Variants in PKM observed in about 807,000 individuals in gnomAD.
PKM encodes pyruvate kinase M1/2, also known as pyruvate kinase PKM.
A neutral mutation model predicts 49.8 loss-of-function variants in PKM; 18 were observed. The observed-to-expected ratio is 0.36, with a 90% CI of 0.25 to 0.54. PKM has a LOEUF of 0.54. Among genes scored for constraint, PKM ranks in the 20% least tolerant of loss-of-function variants. PKM has a pLI of 0.89. For missense variants in PKM, 508 were observed against 713.8 expected, an observed-to-expected ratio of 0.71 and a Z score of 3.28; for synonymous variants, 239 against 261.8, an observed-to-expected ratio of 0.91 and a Z score of 0.84.
Position 72,202,353 on chromosome 15 carries a change from G to A in PKM, c.1307+101C>T. The A allele has an allele frequency of 1.6e-6, 2 of 1,250,552 alleles. No homozygotes were observed. Among genetic ancestry groups the A allele is most frequent in the Non-Finnish European group, 2.3e-6 (2 of 878,206 alleles). 77.5% of individuals were successfully genotyped at this position (1,250,552 alleles called of 1,614,324 possible). On this transcript the variant is annotated intron_variant, in intron 9 of 10. Coordinates refer to ENST00000335181, the MANE Select transcript of PKM (RefSeq NM_002654.6). This position sits in a 1 kb window ranked among gnomAD's most constrained non-coding sequence, Gnocchi z 4.5. ...TGGCAGGCAGAGGGGTCTTACCTTG[G>A]CTCAGTGCCACCTGAGCATTGTTCA...
Position 72,199,338 on chromosome 15 carries a change from G to A in PKM, c.*312C>T. ...GGCATCCATTTTTTCTAAAGGAACTGGACAGAGTACACACAGGAAAGGAAG... is the reference window on the plus strand; with the variant it reads ...GGCATCCATTTTTTCTAAAGGAACTAGACAGAGTACACACAGGAAAGGAAG... On this transcript the variant is annotated 3_prime_UTR_variant, in exon 11 of 11. Coordinates refer to ENST00000335181, the MANE Select transcript of PKM (RefSeq NM_002654.6). 1.8e-6 allele frequency: 1 copy of A among 544,912 alleles called. No individual in the cohort carries two copies. The highest frequency in any genetic ancestry group is 3.5e-6 in the Non-Finnish European group (1 of 289,468). The allele number at this position is 544,912 out of a possible 1,614,324, so 33.8% of individuals were successfully genotyped here. A position where few individuals can be genotyped will look rare whatever the true frequency, so the allele number is the denominator to read the frequency against.
Position 72,202,077 on chromosome 15 carries a change from T to C in PKM, c.1307+377A>G, listed in dbSNP as rs2081958581. On this transcript the variant is annotated intron_variant, in intron 9 of 10. Coordinates refer to ENST00000335181, the MANE Select transcript of PKM (RefSeq NM_002654.6). The surrounding 1 kb of genome is among the most constrained non-coding windows in gnomAD (Gnocchi z 4.5). ...GTAAACAGCATTTAAATAAATTCAT[T>C]TCCCAACTGAAATTTTTAAAGAGCA... 1 of 286,626 alleles carries C rather than the reference T, an allele frequency of 3.5e-6. No individual in the cohort carries two copies. The highest frequency in any genetic ancestry group is 6.8e-6 in the Non-Finnish European group (1 of 146,780). The allele number at this position is 286,626 out of a possible 1,614,324, so 17.8% of individuals were successfully genotyped here.
At chr15:72,218,780 C>T (rs2082441208) in intron 2 of PKM, among the ~76,000 whole-genome samples, 164 bp downstream of exon 2, 1 of 152,172 alleles carries the variant, frequency 6.6e-6, no homozygotes, top group Admixed American at 6.5e-5. Context: ...TATGCACATA[C>T]TAATTCTTTA....
At position 72,211,069 on chromosome 15, in the gene PKM, GT is replaced by G. The variant is rs35471277; in HGVS notation, c.247-592del. ...CAGACCTGATTTTCTCAATCGCTTT[GT>G]TTTTTTTTTTTTTGAGACAGAGTCT... On this transcript the variant is annotated intron_variant, in intron 3 of 10. Coordinates refer to ENST00000335181, the MANE Select transcript of PKM (RefSeq NM_002654.6). 2.8e-3 allele frequency among the ~76,000 whole-genome samples: 394 copies of G among 142,482 alleles called. 1 individual carries two copies. Among genetic ancestry groups the G allele is most frequent in the African/African-American group, 5.9e-3 (232 of 39,192 alleles). 93.5% of individuals were successfully genotyped at this position (142,482 alleles called of 152,430 possible).
At position 72,199,223 on chromosome 15, in the gene PKM, C is replaced by T. The variant is rs926976636; in HGVS notation, c.*427G>A. The T allele has an allele frequency of 2.8e-6, 1 of 361,400 alleles. No individual in the cohort carries two copies. Among genetic ancestry groups the T allele is most frequent in the African/African-American group, 2.1e-5 (1 of 47,026 alleles). The allele number at this position is 361,400 out of a possible 1,614,324, so 22.4% of individuals were successfully genotyped here. A position where few individuals can be genotyped will look rare whatever the true frequency, so the allele number is the denominator to read the frequency against. ...AGCAAGTAAGGGCCAGGGCCAGAGTCGGCTTCAATGGAACAACAGCCCAGT... is the reference window on the plus strand; with the variant it reads ...AGCAAGTAAGGGCCAGGGCCAGAGTTGGCTTCAATGGAACAACAGCCCAGT... On this transcript the variant is annotated 3_prime_UTR_variant, in exon 11 of 11. Transcript: ENST00000335181.
At chr15:72,218,508 A>G (rs150842790) in intron 2 of PKM, among the ~76,000 whole-genome samples, 10 of 151,934 alleles carry the variant, frequency 6.6e-5, no homozygotes, top group East Asian at 3.9e-4. Flanking sequence ...TGCAACTTCA[A>G]TCTCCTGGAC....
At chr15:72,227,095 GC>G (rs1053881486) in intron 1 of PKM, among the ~76,000 whole-genome samples, 1 of 152,216 alleles carries the variant, frequency 6.6e-6, no homozygotes, top group Non-Finnish European at 1.5e-5. Context: ...TATCCAGTCT[GC>G]CCCTTGGTAA....
intron 1 of PKM, among the ~76,000 whole-genome samples, chr15:72,223,011 C>CTTTTTTTTTTTCT (rs2082565466): frequency 2.1e-5 from 3 of 143,888 alleles, no homozygotes; most frequent in Admixed American, 7.0e-5. Context: ...CTCCCTCCAA[C>CTTTTTTTTTTTCT]TTTTTTTTTT....
chr15:72,231,098 G>C lies in PKM; in HGVS notation c.-14+18C>G, dbSNP rs903490695. Reference sequence around the variant, plus strand: ...GCCCTTGGTGGGGACTGATGGCGTAGCCTCCTGCACCGCTCACCTCCGGCG... The same window carrying C: ...GCCCTTGGTGGGGACTGATGGCGTACCCTCCTGCACCGCTCACCTCCGGCG... On this transcript the variant is annotated intron_variant, in intron 1 of 10. Transcript: ENST00000335181. The C allele has an allele frequency of 6.7e-5, 31 of 465,998 alleles. No homozygotes were observed. Among genetic ancestry groups the C allele is most frequent in the Non-Finnish European group, 1.0e-4 (26 of 257,294 alleles). The allele number at this position is 465,998 out of a possible 1,614,324, so 28.9% of individuals were successfully genotyped here.
chr15:72,229,756 C>CT, intron 1 of PKM: 2 of 1,115,574 alleles, frequency 1.8e-6, no homozygotes, highest in Non-Finnish European at 2.3e-6. Context: ...ATCCTGGTCT[C>CT]TAACTCTGAC....
chr15:72,227,674 AG>A (rs2082710345), intron 1 of PKM, among the ~76,000 whole-genome samples: 1 of 130,058 alleles, frequency 7.7e-6, no homozygotes, highest in Non-Finnish European at 1.6e-5. Flanking sequence ...TGAACCCAGG[AG>A]GTGGAGGTTG....
rs1024203008 is a variant in PKM, at chr15:72,200,211, G to C, written c.1489+263C>G. ...ATGGACAATTTTGCTTTGAGCCCCA[G>C]ACTAGAAGAGAAGAGGAACTGAATT... On this transcript the variant is annotated intron_variant, in intron 10 of 10. Coordinates refer to ENST00000335181, the MANE Select transcript of PKM (RefSeq NM_002654.6). This position sits in a 1 kb window ranked among gnomAD's most constrained non-coding sequence, Gnocchi z 4.6. 6.6e-6 allele frequency among the ~76,000 whole-genome samples: 1 copy of C among 152,092 alleles called. No individual in the cohort carries two copies. The highest frequency in any genetic ancestry group is 1.9e-4 in the East Asian group (1 of 5,196).
chr15:72,217,306 CAG>C lies in PKM; in HGVS notation c.246+101_246+102del, dbSNP rs1491289642. 2.5e-4 allele frequency: 191 copies of C among 766,252 alleles called. 1 individual carries two copies. Among genetic ancestry groups the C allele is most frequent in the Middle Eastern group, 1.8e-3 (8 of 4,384 alleles). The allele number at this position is 766,252 out of a possible 1,614,324, so 47.5% of individuals were successfully genotyped here. A position where few individuals can be genotyped will look rare whatever the true frequency, so the allele number is the denominator to read the frequency against. ...CAAACTTCACACTGACTGTGAAACT[CAG>C]ACTCATCCTTGTCTAGTCCACTGTG... On this transcript the variant is annotated intron_variant, in intron 3 of 10. Transcript: ENST00000335181.
intron 1 of PKM, chr15:72,219,428 C>T (rs2082465373): frequency 4.3e-6 from 1 of 232,792 alleles, no homozygotes. Context: ...GCTTTCTCAC[C>T]ACCCTATCTA....
chr15:72,230,844 G>T lies in PKM; in HGVS notation c.-14+272C>A, dbSNP rs1166259181. The T allele has an allele frequency of 5.2e-6, 5 of 964,504 alleles. No homozygotes were observed. The Admixed American group carries it at 9.7e-5, about 19-fold the overall frequency. The allele number at this position is 964,504 out of a possible 1,614,324, so 59.7% of individuals were successfully genotyped here. A position where few individuals can be genotyped will look rare whatever the true frequency, so the allele number is the denominator to read the frequency against. ...TTGAGGATTGGGGCAGGAGGAAGAG[G>T]ATGGGACCAGAATGAGGGGGTAGGG... On this transcript the variant is annotated intron_variant, in intron 1 of 10. Coordinates refer to ENST00000335181, the MANE Select transcript of PKM (RefSeq NM_002654.6).
rs1218446337 is a variant in PKM at position 72,231,133 on chromosome 15, T to C, written c.-31A>G. On this transcript the variant is annotated 5_prime_UTR_variant, in exon 1 of 11. Coordinates refer to ENST00000335181, the MANE Select transcript of PKM (RefSeq NM_002654.6). ...CCGCTCACCTCCGGCGCTGACCGAC[T>C]CGGGCTACGCTGCAAAGACGAAGAG... is the stretch of plus-strand genomic sequence containing the variant. The C allele has an allele frequency of 3.0e-6, 1 of 335,586 alleles. No homozygotes were observed. The highest frequency in any genetic ancestry group is 8.1e-5 in the East Asian group (1 of 12,302). The allele number at this position is 335,586 out of a possible 1,614,324, so 20.8% of individuals were successfully genotyped here.
chr15:72,224,666 C>T (rs2082613632), intron 1 of PKM, among the ~76,000 whole-genome samples: 1 of 152,010 alleles, frequency 6.6e-6, no homozygotes, highest in Non-Finnish European at 1.5e-5. Flanking sequence ...AGTTCGAGAC[C>T]AGCCTGGCTA....
intron 5 of PKM, chr15:72,209,396 A>AATACATATATATATATATAT (rs1268011418): frequency 1.3e-5 from 1 of 78,984 alleles, no homozygotes; most frequent in Admixed American, 1.4e-4. Context: ...CAGCGAAACA[A>AATACATATATATATATATAT]ATATATATAT....
chr15:72,226,236 G>T (rs1322192884), intron 1 of PKM, among the ~76,000 whole-genome samples: 1 of 152,280 alleles, frequency 6.6e-6, no homozygotes, highest in Middle Eastern at 3.4e-3. Context: ...GTTTAAAATT[G>T]AAGAAACATG....
Sources: allele counts gnomAD v4.1 joint callset (sites outside exome capture counted in the v4.1 genomes callset), GRCh38; gene constraint gnomAD v4.1.1; non-coding constraint Gnocchi (gnomAD v3.1); transcripts MANE v1.5; gene names NCBI Gene and HGNC (gene_info 2026-07-23, HGNC 2026-07-21).